GNE: variants seen among roughly 807,000 people sequenced by gnomAD.
GNE encodes the protein bifunctional UDP-N-acetylglucosamine 2-epimerase/N-acetylmannosamine kinase.
GNE carries 41 observed loss-of-function variants against 61.8 expected under a neutral mutation model. That is an observed-to-expected ratio of 0.66 (90% CI 0.52 to 0.86). The LOEUF (loss-of-function observed/expected upper bound fraction) is 0.86. GNE is among the 40% of genes least tolerant of loss of function. The pLI is 0.00. For synonymous variants in GNE, 264 were observed against 326.4 expected (o/e 0.81, Z 2.06); for missense variants, 608 against 909.1 (o/e 0.67, Z 4.26).
intron 3 of GNE, among the ~76,000 whole-genome samples, chr9:36,244,704 G>A (rs1306046393): frequency 6.6e-6 from 1 of 151,756 alleles, no homozygotes; most frequent in African/African-American, 2.4e-5. Context: ...TTGGGAGGCC[G>A]AGGTGGGCGG....
At chr9:36,267,732 A>T (rs899045976) in intron 1 of GNE, 18 of 151,902 alleles carry the variant, frequency 1.2e-4, no homozygotes, top group African/African-American at 4.4e-4. Flanking sequence ...TATATATATG[A>T]ACATTACATA....
At chr9:36,272,936 AAAG>A (rs1831095736) in intron 1 of GNE, among the ~76,000 whole-genome samples, 1 of 146,334 alleles carries the variant, frequency 6.8e-6, no homozygotes, top group African/African-American at 2.5e-5. Context: ...AAAAAAAAAA[AAAG>A]CTGGGCATGG....
intron 11 of GNE, among the ~76,000 whole-genome samples, chr9:36,217,833 A>T (rs1396018934): frequency 6.6e-6 from 1 of 152,202 alleles, no homozygotes; most frequent in Non-Finnish European, 1.5e-5. Context: ...TAGGCAAAAA[A>T]ATGAATAGAA....
chr9:36,218,473 C>T lies in GNE; in HGVS notation c.1817-174G>A, dbSNP rs149634744. ...CACTGCCCCTAAAGCCTTTGCTACC[C>T]TCTTGCTAATTGGTTGTACATAACC... is the stretch of plus-strand genomic sequence containing the variant. On this transcript the variant is annotated intron_variant, in intron 10 of 11. Transcript: ENST00000642385. The surrounding 1 kb of genome is among the most constrained non-coding windows in gnomAD (Gnocchi z 4.1). Among the ~76,000 whole-genome samples the T allele has an allele frequency of 7.5e-4, 115 of 152,336 alleles. No homozygotes were observed. Among genetic ancestry groups the T allele is most frequent in the African/African-American group, 2.7e-3 (114 of 41,576 alleles).
chr9:36,268,184 TG>T (rs1461017121), intron 1 of GNE, among the ~76,000 whole-genome samples: 1 of 152,080 alleles, frequency 6.6e-6, no homozygotes, highest in African/African-American at 2.4e-5. Context: ...ATTTCTTATC[TG>T]GCTGCTTGGG....
chr9:36,217,783 C>T (rs1828398214), intron 11 of GNE, among the ~76,000 whole-genome samples, 183 bp from the exon 12 acceptor site: 1 of 152,070 alleles, frequency 6.6e-6, no homozygotes. Context: ...CATGTGACAG[C>T]CTCAAGTGGA....
chr9:36,257,185 C>T (rs1015013647), intron 1 of GNE, among the ~76,000 whole-genome samples: 1 of 152,178 alleles, frequency 6.6e-6, no homozygotes, highest in Non-Finnish European at 1.5e-5. Flanking sequence ...CTTCAGCGCT[C>T]AGAACACTGT....
At chr9:36,230,976 G>T (rs1285421487) in intron 5 of GNE, among the ~76,000 whole-genome samples, 2 of 150,254 alleles carry the variant, frequency 1.3e-5, no homozygotes, top group African/African-American at 4.9e-5. Context: ...TTTTAGCCAG[G>T]CATCTGATCC....
chr9:36,257,802 C>CAAAAAA (rs60845805), intron 1 of GNE, among the ~76,000 whole-genome samples: 350 of 25,244 alleles, frequency 0.014, 52 homozygotes, highest in African/African-American at 0.028. Flanking sequence ...GACTCAGTCT[C>CAAAAAA]AAAAAAAAAA....
Position 36,217,604 on chromosome 9 carries a change from T to C in GNE, c.1934-4A>G, listed in dbSNP as rs2132994193. ...CCAAGACCCAAAGCTGTTCCAGCTA[T>C]AGGGAGACAAAAATTAAAATGAGTT... On this transcript the variant is annotated splice_polypyrimidine_tract_variant and splice_region_variant and intron_variant, in intron 11 of 11. Transcript: ENST00000642385. The C allele has an allele frequency of 6.3e-7, 1 of 1,588,764 alleles. No homozygotes were observed.
In GNE at chr9:36,222,770, C is replaced by T. The variant is rs773608353; in HGVS notation, c.1633+7G>A. Reference sequence around the variant, plus strand: ...CTCCTGAACCAACCTCCCCCTACCCCTCTTACCTGTGCCTGTGATAAGTGT... The same window carrying T: ...CTCCTGAACCAACCTCCCCCTACCCTTCTTACCTGTGCCTGTGATAAGTGT... On this transcript the variant is annotated splice_region_variant and intron_variant, in intron 9 of 11. Coordinates refer to ENST00000642385, the MANE Select transcript of GNE (RefSeq NM_005476.7). The T allele has an allele frequency of 5.6e-6, 9 of 1,596,068 alleles. No homozygotes were observed. The South Asian group carries it at 8.8e-5, about 16-fold the overall frequency.
chr9:36,248,525 T>C (rs1829995039), intron 2 of GNE, among the ~76,000 whole-genome samples: 1 of 151,634 alleles, frequency 6.6e-6, no homozygotes, highest in African/African-American at 2.4e-5. Context: ...GGTTTCACCA[T>C]GTTGGCCAGG....
chr9:36,276,894 A>G (rs760797082), exon 1 of GNE: 5 of 1,609,592 alleles, frequency 3.1e-6, no homozygotes, highest in Middle Eastern at 1.7e-4. Context: ...AATTACTTAC[A>G]TGAGGTCCTT....
At chr9:36,223,156 A>G (rs1828685344) in intron 8 of GNE, among the ~76,000 whole-genome samples, 158 bp from the exon 9 acceptor site, 1 of 152,236 alleles carries the variant, frequency 6.6e-6, no homozygotes, top group Non-Finnish European at 1.5e-5. Context: ...TTGTGAATTA[A>G]AGCCATAGCA....
Position 36,246,972 on chromosome 9 carries a change from G to T in GNE, c.165-490C>A, listed in dbSNP as rs187705267. Among the ~76,000 whole-genome samples, 847 of 152,048 alleles carry T rather than the reference G, an allele frequency of 5.6e-3. 9 individuals are homozygous for T. Among genetic ancestry groups the T allele is most frequent in the African/African-American group, 0.019 (787 of 41,516 alleles). ...GCGTGAGCGACTGCACCCGGCCAGA[G>T]AATTTTTTTATTAGGAAGAAAGAGA... is the stretch of plus-strand genomic sequence containing the variant. On this transcript the variant is annotated intron_variant, in intron 2 of 11. Coordinates refer to ENST00000642385, the MANE Select transcript of GNE (RefSeq NM_005476.7).
At chr9:36,254,205 AAAAT>A (rs60990459) in intron 1 of GNE, among the ~76,000 whole-genome samples, 22 of 144,872 alleles carry the variant, frequency 1.5e-4, no homozygotes, top group African/African-American at 4.6e-4. Context: ...ACTTTGTCTC[AAAAT>A]AAATAAATAA....
rs1445140714 is a variant in GNE, at chr9:36,218,914, C to T, written c.1817-615G>A. ...AGTTAAGTGCTGGCCACAGTAAATG[C>T]TCAGTAAGCAGCAGGTATTTCTGTG... On this transcript the variant is annotated intron_variant, in intron 10 of 11. Transcript: ENST00000642385. The surrounding 1 kb of genome is among the most constrained non-coding windows in gnomAD (Gnocchi z 4.1). 6.6e-6 allele frequency among the ~76,000 whole-genome samples: 1 copy of T among 152,242 alleles called. No individual in the cohort carries two copies. The highest frequency in any genetic ancestry group is 1.5e-5 in the Non-Finnish European group (1 of 68,044).
At chr9:36,258,207 GGT>G (rs2133165127) in intron 1 of GNE, 112 bp downstream of exon 1, 1 of 489,266 alleles carries the variant, frequency 2.0e-6, no homozygotes, top group Non-Finnish European at 2.7e-6. Context: ...CTCGGGGCGC[GGT>G]GGGGTGGAAA....
intron 1 of GNE, among the ~76,000 whole-genome samples, chr9:36,253,425 G>A (rs927776764): frequency 3.3e-5 from 5 of 151,168 alleles, no homozygotes; most frequent in South Asian, 4.2e-4. Flanking sequence ...ACAGGTGCCC[G>A]CCACCACACC....
Sources: allele counts gnomAD v4.1 joint callset (sites outside exome capture counted in the v4.1 genomes callset), GRCh38; gene constraint gnomAD v4.1.1; non-coding constraint Gnocchi (gnomAD v3.1); transcripts MANE v1.5; gene names NCBI Gene and HGNC (gene_info 2026-07-23, HGNC 2026-07-21).